DYNC2LI1: variants seen among roughly 807,000 people sequenced by gnomAD.
DYNC2LI1 encodes the protein cytoplasmic dynein 2 light intermediate chain 1.
Under a neutral mutation model 51.9 loss-of-function variants are expected in DYNC2LI1, and 45 were observed. That is an observed-to-expected ratio of 0.87 (90% CI 0.68 to 1.11). The LOEUF is 1.11. Among genes scored for constraint, DYNC2LI1 ranks in the 50% most tolerant of loss-of-function variants. DYNC2LI1 has a pLI of 0.00. For missense variants in DYNC2LI1, 490 were observed against 417.4 expected (o/e 1.17, Z -1.51); for synonymous variants, 130 against 137.8 (o/e 0.94, Z 0.40).
intron 6 of DYNC2LI1, 57 bp downstream of exon 6, chr2:43,794,700 T>C (rs771636494): frequency 1.2e-6 from 2 of 1,613,274 alleles, no homozygotes; most frequent in Non-Finnish European, 1.7e-6. Flanking sequence ...TAGTTAATGA[T>C]AACATCACAA....
chr2:43,824,018 C>T, the DYNC2LI1 span: 1 of 1,614,192 alleles, frequency 6.2e-7, no homozygotes, highest in African/African-American at 1.3e-5. Context: ...TTGCTTCGGA[C>T]CCGCAGAACG....
chr2:43,814,064 C>A (rs1301011097), downstream of DYNC2LI1, among the ~76,000 whole-genome samples: 1 of 152,108 alleles, frequency 6.6e-6, no homozygotes, highest in Non-Finnish European at 1.5e-5. Context: ...GTTCTACTTC[C>A]ATCTGGTGGG....
downstream of DYNC2LI1, chr2:43,812,639 A>G (rs926111153): frequency 5.5e-6 from 1 of 182,354 alleles, no homozygotes; most frequent in African/African-American, 2.4e-5. Flanking sequence ...GTCTTCCAGG[A>G]ACAGAAGCAT....
At chr2:43,823,183 G>A in the DYNC2LI1 span, among the ~76,000 whole-genome samples, 82 of 152,190 alleles carry the variant, frequency 5.4e-4, no homozygotes, top group African/African-American at 1.9e-3. Flanking sequence ...TCTAAAGTGG[G>A]GAGTTGTCAC....
the DYNC2LI1 span, chr2:43,822,440 A>T: frequency 2.3e-6 from 2 of 858,310 alleles, no homozygotes; most frequent in Non-Finnish European, 2.8e-6. Context: ...TGTCTGTTTT[A>T]AGGTTTTACA....
At chr2:43,827,838 T>C in the DYNC2LI1 span, 3 of 1,289,028 alleles carry the variant, frequency 2.3e-6, no homozygotes, top group East Asian at 2.5e-5. Flanking sequence ...CCAAAAAAAC[T>C]GGGTCCTCAG....
the DYNC2LI1 span, among the ~76,000 whole-genome samples, chr2:43,820,543 T>C: frequency 6.6e-6 from 1 of 152,190 alleles, no homozygotes; most frequent in African/African-American, 2.4e-5. Context: ...TATGGGATTA[T>C]TGCCTACGTG....
rs1229711491 is a variant in DYNC2LI1 at position 43,805,140 on chromosome 2, A to G, written c.901-14A>G. The G allele has an allele frequency of 1.3e-6, 2 of 1,577,464 alleles. No homozygotes were observed. Among genetic ancestry groups the G allele is most frequent in the Non-Finnish European group, 1.7e-6 (2 of 1,151,808 alleles). On this transcript the variant is annotated splice_polypyrimidine_tract_variant and intron_variant, in intron 11 of 12. Transcript: ENST00000260605. ...TTTATGGGCGTGAAGTGATTTTGAG[A>G]TTTGTAATTTCAGAGTATTAACACG...
At position 43,787,244 on chromosome 2, in the gene DYNC2LI1, C is replaced by G; in HGVS notation, c.225C>G (p.His75Gln). 1 of 1,612,358 alleles carries G rather than the reference C, an allele frequency of 6.2e-7. No homozygotes were observed. Among genetic ancestry groups the G allele is most frequent in the South Asian group, 1.1e-5 (1 of 90,988 alleles). ...CATATGGAAGAAGAGCAAAAGGGCA[C>G]AACACAGTAAGTGTCTTTTAAAGTG... Reference protein sequence around the residue: ...EYTYGRRAKGHNTPKDIAHFW... With the variant: ...EYTYGRRAKGQNTPKDIAHFW... The change falls in exon 4 of 13, where the codon CAC becomes CAG. Residue 75 changes from histidine to glutamine, a missense_variant. Physicochemically the swap from His to Gln is conservative, Grantham distance 24 (BLOSUM62 0). Transcript: ENST00000260605.
At chr2:43,801,524 C>T (rs112907205) in intron 9 of DYNC2LI1, 115 bp from the exon 10 acceptor site, 4 of 657,998 alleles carry the variant, frequency 6.1e-6, no homozygotes, top group African/African-American at 3.6e-5. Context: ...GGGCAATGCT[C>T]TCATTAGTGG....
rs1237558012 is a variant in DYNC2LI1 at position 43,784,158 on chromosome 2, G to A, written c.161+604G>A. 5.3e-5 allele frequency among the ~76,000 whole-genome samples: 8 copies of A among 152,268 alleles called. No homozygotes were observed. The East Asian group carries it at 7.7e-4, about 15-fold the overall frequency. On this transcript the variant is annotated intron_variant, in intron 3 of 12. Transcript: ENST00000260605. ...AAATCATCAAAAGAGATGGAATTTG[G>A]TGTTAAGGTCACATTAAAGAAACAT...
chr2:43,813,677 T>G (rs1666609340), downstream of DYNC2LI1, among the ~76,000 whole-genome samples: 1 of 150,724 alleles, frequency 6.6e-6, no homozygotes, highest in East Asian at 1.9e-4. Flanking sequence ...TTTGGTTGTT[T>G]TTTTTTTGTT....
intron 1 of DYNC2LI1, among the ~76,000 whole-genome samples, chr2:43,774,564 A>AG (rs1412707217): frequency 1.3e-5 from 2 of 152,178 alleles, no homozygotes; most frequent in Non-Finnish European, 2.9e-5. Flanking sequence ...ATCACTTTTA[A>AG]GGGGGGAAAC....
the DYNC2LI1 span, chr2:43,826,567 G>A: frequency 6.2e-7 from 1 of 1,613,714 alleles, no homozygotes; most frequent in Non-Finnish European, 8.5e-7. Context: ...GCAGAGCCCA[G>A]GCTCTGTGCT....
intron 4 of DYNC2LI1, among the ~76,000 whole-genome samples, chr2:43,787,843 T>C (rs760023381): frequency 6.6e-6 from 1 of 152,108 alleles, no homozygotes; most frequent in Non-Finnish European, 1.5e-5. Flanking sequence ...TAAAGTTAAG[T>C]GTGTAGAAGG....
At chr2:43,807,270 G>C (rs1289014650) in intron 12 of DYNC2LI1, among the ~76,000 whole-genome samples, 2 of 152,004 alleles carry the variant, frequency 1.3e-5, no homozygotes, top group Non-Finnish European at 2.9e-5. Flanking sequence ...TTCGTGATTA[G>C]CCCTCTTTAA....
chr2:43,824,375 C>T, the DYNC2LI1 span: 4 of 1,614,182 alleles, frequency 2.5e-6, no homozygotes, highest in Non-Finnish European at 3.4e-6. Context: ...CATCTGGACT[C>T]TCTTGGAGGT....
chr2:43,824,806 T>C, the DYNC2LI1 span: 1 of 1,581,246 alleles, frequency 6.3e-7, no homozygotes. Flanking sequence ...TCAAATCCAC[T>C]AGACTGGTGT....
intron 8 of DYNC2LI1, among the ~76,000 whole-genome samples, chr2:43,797,488 G>A (rs1665915283): frequency 7.0e-6 from 1 of 141,938 alleles, no homozygotes; most frequent in Admixed American, 7.0e-5. Context: ...TTTACTAAAT[G>A]TCCTTTAATG....
Sources: allele counts gnomAD v4.1 joint callset (sites outside exome capture counted in the v4.1 genomes callset), GRCh38; gene constraint gnomAD v4.1.1; transcripts MANE v1.5; gene names NCBI Gene and HGNC (gene_info 2026-07-23, HGNC 2026-07-21).